Variants in NEURL1B observed in about 807,000 individuals in gnomAD.
NEURL1B encodes the protein E3 ubiquitin-protein ligase NEURL1B.
Under a neutral mutation model 37.4 loss-of-function variants are expected in NEURL1B, and 13 were observed. The ratio of observed to expected loss-of-function variants is 0.35; its 90% CI spans 0.23 to 0.55. The LOEUF (loss-of-function observed/expected upper bound fraction) is 0.55. NEURL1B is among the 20% of genes least tolerant of loss of function. The probability of loss-of-function intolerance (pLI) is 0.89; values close to 1 mark genes in which losing one functional copy is unlikely to be tolerated. For synonymous variants in NEURL1B, 432 were observed against 426.6 expected (o/e 1.01, Z -0.16); for missense variants, 790 against 879.2 (o/e 0.90, Z 1.28).
rs1677406623 is a variant in NEURL1B at position 172,675,571 on chromosome 5, T to G, written c.577+5241T>G. On this transcript the variant is annotated intron_variant, in intron 2 of 4. Transcript: ENST00000369800. The surrounding 1 kb of genome is among the most constrained non-coding windows in gnomAD (Gnocchi z 4.7). ...GCAGGAAAATTACTTTTCGCTGAAT[T>G]TAGCAGTTCCTGGAGCCAGGAGAGG... Among the ~76,000 whole-genome samples the G allele has an allele frequency of 6.6e-6, 1 of 151,828 alleles. No homozygotes were observed. The highest frequency in any genetic ancestry group is 1.5e-5 in the Non-Finnish European group (1 of 68,008).
intron 1 of NEURL1B, among the ~76,000 whole-genome samples, chr5:172,648,437 A>G (rs1757599747): frequency 6.6e-6 from 1 of 152,224 alleles, no homozygotes; most frequent in South Asian, 2.1e-4. Flanking sequence ...TCTGTGCCAG[A>G]CAGTGTTCTC....
rs993967031 is a variant in NEURL1B, at chr5:172,689,774, G to A, written c.*2849G>A. 9 of 152,334 alleles carry A rather than the reference G, an allele frequency of 5.9e-5. No homozygotes were observed. Among genetic ancestry groups the A allele is most frequent in the Admixed American group, 4.6e-4 (7 of 15,302 alleles). 9.4% of individuals were successfully genotyped at this position (152,334 alleles called of 1,614,324 possible). ...TGAAACTCACCTGGAGAGAGTCCGG[G>A]CACCTGTGCCTATGTGGAGGGTTCC... On this transcript the variant is annotated 3_prime_UTR_variant, in exon 5 of 5. Transcript: ENST00000369800.
chr5:172,664,028 A>C (rs1485448707), intron 1 of NEURL1B, among the ~76,000 whole-genome samples: 1 of 151,798 alleles, frequency 6.6e-6, no homozygotes, highest in African/African-American at 2.4e-5. Context: ...AAACAAGCAG[A>C]GAAGGCTTGG....
chr5:172,649,695 T>C (rs1352782205), intron 1 of NEURL1B, among the ~76,000 whole-genome samples: 2 of 152,084 alleles, frequency 1.3e-5, no homozygotes, highest in African/African-American at 4.8e-5. Context: ...AGTCCCCCTT[T>C]CAGTTCTGCA....
rs1451185761 is a variant in NEURL1B, at chr5:172,641,617, C to G, written c.31+180C>G. Reference sequence around the variant, plus strand: ...GCGCCCCGCGGCTGGGCTTTGCGCCCCGGGAGGGCGGGTACCGCGTCCTGG... The same window carrying G: ...GCGCCCCGCGGCTGGGCTTTGCGCCGCGGGAGGGCGGGTACCGCGTCCTGG... On this transcript the variant is annotated intron_variant, in intron 1 of 4. Coordinates refer to ENST00000369800, the MANE Select transcript of NEURL1B (RefSeq NM_001142651.3). This position sits in a 1 kb window ranked among gnomAD's most constrained non-coding sequence, Gnocchi z 6.4. 3.3e-5 allele frequency among the ~76,000 whole-genome samples: 5 copies of G among 152,284 alleles called. No homozygotes were observed. In the East Asian group the frequency reaches 7.8e-4, roughly 24 times the overall value.
chr5:172,652,969 C>A (rs929656563), intron 1 of NEURL1B, among the ~76,000 whole-genome samples: 1 of 152,030 alleles, frequency 6.6e-6, no homozygotes, highest in Non-Finnish European at 1.5e-5. Context: ...GAGTCCATCC[C>A]TTTTTCACTG....
chr5:172,686,556 T>A lies in NEURL1B; in HGVS notation c.1424-125T>A. 8.6e-7 allele frequency: 1 copy of A among 1,163,240 alleles called. No homozygotes were observed. Among genetic ancestry groups the A allele is most frequent in the Non-Finnish European group, 1.2e-6 (1 of 835,816 alleles). The allele number at this position is 1,163,240 out of a possible 1,614,324, so 72.1% of individuals were successfully genotyped here. On this transcript the variant is annotated intron_variant, in intron 4 of 4. Coordinates refer to ENST00000369800, the MANE Select transcript of NEURL1B (RefSeq NM_001142651.3). The surrounding 1 kb of genome is among the most constrained non-coding windows in gnomAD (Gnocchi z 7.9). ...GCAAAACCTGCAAGGTAAACTCAAATTAGTATCTCCCAAAAGTATTCTCCC... is the reference window on the plus strand; with the variant it reads ...GCAAAACCTGCAAGGTAAACTCAAAATAGTATCTCCCAAAAGTATTCTCCC...
intron 1 of NEURL1B, among the ~76,000 whole-genome samples, chr5:172,650,200 T>A (rs1395970277): frequency 6.6e-6 from 1 of 152,202 alleles, no homozygotes; most frequent in African/African-American, 2.4e-5. Context: ...ACTCCGTGTC[T>A]CCATTGCCAG....
chr5:172,648,809 C>G (rs1757606175), intron 1 of NEURL1B, among the ~76,000 whole-genome samples: 1 of 152,252 alleles, frequency 6.6e-6, no homozygotes, highest in Non-Finnish European at 1.5e-5. Flanking sequence ...TGGGGGCCCT[C>G]TCCAGGCAGC....
At chr5:172,654,480 A>G (rs1455606466) in intron 1 of NEURL1B, among the ~76,000 whole-genome samples, 2 of 152,110 alleles carry the variant, frequency 1.3e-5, no homozygotes, top group African/African-American at 4.8e-5. Flanking sequence ...ATCCCCTGTT[A>G]GGAAACCTGG....
rs1476590647 is a variant in NEURL1B at position 172,670,285 on chromosome 5, G to A, written c.532G>A (p.Ala178Thr). ...CGVAVGGPLWALIDVYGITDE... is the reference protein window; with the variant it reads ...CGVAVGGPLWTLIDVYGITDE... The stretch of plus-strand genomic sequence containing the variant: ...CGTGGCCGTGGGCGGCCCGCTCTGG[G>A]CGCTCATTGATGTCTACGGCATCAC... The change falls in exon 2 of 5, where the codon GCG becomes ACG. Residue 178 changes from alanine (A) to threonine (T), a missense_variant. Physicochemically the swap from Ala to Thr is moderately conservative, Grantham distance 58. Coordinates refer to ENST00000369800, the MANE Select transcript of NEURL1B (RefSeq NM_001142651.3). The A allele has an allele frequency of 7.2e-7, 1 of 1,386,410 alleles. No individual in the cohort carries two copies. The highest frequency in any genetic ancestry group is 1.6e-5 in the South Asian group (1 of 60,940). The allele number at this position is 1,386,410 out of a possible 1,614,324, so 85.9% of individuals were successfully genotyped here. A position where few individuals can be genotyped will look rare whatever the true frequency, so the allele number is the denominator to read the frequency against.
chr5:172,650,138 A>G (rs1276530349), intron 1 of NEURL1B, among the ~76,000 whole-genome samples: 1 of 152,070 alleles, frequency 6.6e-6, no homozygotes, highest in Non-Finnish European at 1.5e-5. Flanking sequence ...TCAGGCACGT[A>G]TTTTCTTTCC....
rs753330348 is a variant in NEURL1B at position 172,657,789 on chromosome 5, A to G, written c.32-11996A>G. ...ATATTATCCAGGCCTGCCCGCAGTC[A>G]TCCGGAGGCCTAAACCCCTCCCTGT... On this transcript the variant is annotated intron_variant, in intron 1 of 4. Transcript: ENST00000369800. The surrounding 1 kb of genome is among the most constrained non-coding windows in gnomAD (Gnocchi z 4.0). Among the ~76,000 whole-genome samples the G allele has an allele frequency of 1.3e-5, 2 of 152,188 alleles. No individual in the cohort carries two copies. Among genetic ancestry groups the G allele is most frequent in the Non-Finnish European group, 2.9e-5 (2 of 68,026 alleles).
chr5:172,681,782 A>G (rs1016906686), intron 2 of NEURL1B, among the ~76,000 whole-genome samples: 1 of 152,248 alleles, frequency 6.6e-6, no homozygotes, highest in African/African-American at 2.4e-5. Flanking sequence ...TTCATTTCAT[A>G]TTTGGAAAAC....
intron 1 of NEURL1B, among the ~76,000 whole-genome samples, chr5:172,651,610 G>A (rs1417973623): frequency 6.6e-6 from 1 of 152,128 alleles, no homozygotes; most frequent in African/African-American, 2.4e-5. Context: ...TATGTCTAAG[G>A]CTATCCTATT....
intron 2 of NEURL1B, among the ~76,000 whole-genome samples, chr5:172,677,310 G>A (rs950136923): frequency 1.2e-4 from 19 of 152,176 alleles, no homozygotes; most frequent in Admixed American, 6.5e-5. Flanking sequence ...CGAGACCGCC[G>A]CTGCATGGCC....
chr5:172,667,376 G>C (rs2339581), intron 1 of NEURL1B, among the ~76,000 whole-genome samples: 26,373 of 150,118 alleles, frequency 0.18, 2,664 homozygotes, highest in African/African-American at 0.27. Flanking sequence ...AACCCAAGAG[G>C]TGGAGGTTGC....
intron 1 of NEURL1B, among the ~76,000 whole-genome samples, chr5:172,646,042 G>T (rs1274288962): frequency 1.3e-5 from 2 of 152,224 alleles, no homozygotes; most frequent in Non-Finnish European, 2.9e-5. Context: ...ATGCGGGTGT[G>T]TGTGAGATGT....
At chr5:172,678,922 GA>G (rs1433600245) in intron 2 of NEURL1B, among the ~76,000 whole-genome samples, 2 of 152,254 alleles carry the variant, frequency 1.3e-5, no homozygotes, top group Non-Finnish European at 2.9e-5. Context: ...ACCTAAGAGA[GA>G]AAGGGGAGGG....
Sources: allele counts gnomAD v4.1 joint callset (sites outside exome capture counted in the v4.1 genomes callset), GRCh38; gene constraint gnomAD v4.1.1; non-coding constraint Gnocchi (gnomAD v3.1); transcripts MANE v1.5; gene names NCBI Gene and HGNC (gene_info 2026-07-23, HGNC 2026-07-21).